The following ADGRL4 variants were observed in gnomAD, a reference collection of about 807,000 sequenced individuals.
ADGRL4 encodes the protein EGF, latrophilin and seven transmembrane domain containing 1.
In ADGRL4, 90 loss-of-function variants were observed where a neutral mutation model predicts 74.8. The ratio of observed to expected loss-of-function variants is 1.20; its 90% CI spans 1.02 to 1.43. ADGRL4 has a LOEUF of 1.43. Among genes scored for constraint, ADGRL4 ranks in the 40% most tolerant of loss-of-function variants. ADGRL4 has a pLI of 0.00. For missense variants in ADGRL4, 881 were observed against 814.3 expected (o/e 1.08, Z -1.00); for synonymous variants, 311 against 279.2 (o/e 1.11, Z -1.14).
At chr1:78,959,693 G>T (rs1649905899) in intron 2 of ADGRL4, among the ~76,000 whole-genome samples, 1 of 151,988 alleles carries the variant, frequency 6.6e-6, no homozygotes, top group African/African-American at 2.4e-5. Context: ...GTATTTTATT[G>T]GTCTGGACTC....
intron 2 of ADGRL4, among the ~76,000 whole-genome samples, chr1:78,970,785 T>A (rs1488269626): frequency 2.6e-5 from 4 of 152,194 alleles, no homozygotes; most frequent in Non-Finnish European, 5.9e-5. Flanking sequence ...TAGGCAATTG[T>A]GTCTCAGTAC....
intron 2 of ADGRL4, among the ~76,000 whole-genome samples, chr1:78,995,749 T>C (rs1481534196): frequency 1.3e-5 from 2 of 152,210 alleles, no homozygotes; most frequent in African/African-American, 4.8e-5. Flanking sequence ...GGGACATCAA[T>C]AAAGATATTA....
At chr1:78,914,616 A>AT (rs1274163236) in intron 12 of ADGRL4, among the ~76,000 whole-genome samples, 3 of 144,630 alleles carry the variant, frequency 2.1e-5, no homozygotes, top group South Asian at 4.6e-4. Context: ...TGAAGTAGAG[A>AT]TTTTTTTTGG....
chr1:78,942,651 T>C (rs1649511802), intron 3 of ADGRL4, among the ~76,000 whole-genome samples: 1 of 151,258 alleles, frequency 6.6e-6, no homozygotes, highest in Non-Finnish European at 1.5e-5. Flanking sequence ...TAATAGGTGA[T>C]GCTTGGCTGG....
chr1:78,911,334 A>G (rs2100662961), intron 12 of ADGRL4, among the ~76,000 whole-genome samples: 1 of 151,800 alleles, frequency 6.6e-6, no homozygotes, highest in Admixed American at 6.6e-5. Flanking sequence ...CCTTCATATA[A>G]GGCCATAAAA....
Position 78,920,224 on chromosome 1 carries a change from C to T in ADGRL4, c.1420G>A (p.Glu474Lys), listed in dbSNP as rs774420604. Residue 474 changes from glutamate to lysine, a missense_variant, in exon 10 of 15, where the codon GAA becomes AAA. Coordinates refer to ENST00000370742, the MANE Select transcript of ADGRL4 (RefSeq NM_022159.4). ...KNLCCSLFLA[E>K]LVFLVGINTN... ...TTGATCCCAACAAGAAAAACAAGTT[C>T]AGCAAGAAATAGGCTACAGCAAAGA... 6.2e-7 allele frequency: 1 copy of T among 1,611,612 alleles called. No homozygotes were observed. Among genetic ancestry groups the T allele is most frequent in the African/African-American group, 1.3e-5 (1 of 74,764 alleles).
chr1:78,972,281 T>C (rs924372865), intron 2 of ADGRL4, among the ~76,000 whole-genome samples: 1 of 152,184 alleles, frequency 6.6e-6, no homozygotes, highest in Non-Finnish European at 1.5e-5. Flanking sequence ...GGATTTTATG[T>C]CAGTATGAAT....
chr1:78,891,814 C>A (rs1379507441), intron 13 of ADGRL4, 122 bp from the exon 14 acceptor site: 2 of 789,040 alleles, frequency 2.5e-6, no homozygotes, highest in African/African-American at 1.8e-5. Context: ...TACAAATAGA[C>A]CCAATAGAAT....
intron 12 of ADGRL4, among the ~76,000 whole-genome samples, chr1:78,898,108 C>T (rs1440389836): frequency 2.6e-5 from 4 of 151,652 alleles, no homozygotes; most frequent in Non-Finnish European, 4.4e-5. Flanking sequence ...AAAAGGATAC[C>T]TCAAAAAAGG....
chr1:78,957,987 T>C (rs1649869181), intron 2 of ADGRL4, among the ~76,000 whole-genome samples: 1 of 152,182 alleles, frequency 6.6e-6, no homozygotes, highest in Non-Finnish European at 1.5e-5. Flanking sequence ...TTTAGAATTA[T>C]GCTAAATCTA....
chr1:78,899,392 T>C (rs1422778332), intron 12 of ADGRL4, among the ~76,000 whole-genome samples: 2 of 152,182 alleles, frequency 1.3e-5, no homozygotes, highest in Non-Finnish European at 2.9e-5. Flanking sequence ...TCTTGCTCTG[T>C]TGCCCAGGCT....
Position 78,892,989 on chromosome 1 carries a change from T to C in ADGRL4, c.1841+109A>G, listed in dbSNP as rs1648316442. 9.0e-6 allele frequency: 6 copies of C among 666,234 alleles called. No individual in the cohort carries two copies. In the East Asian group the frequency reaches 1.4e-4, roughly 16 times the overall value. 41.3% of individuals were successfully genotyped at this position (666,234 alleles called of 1,614,324 possible). On this transcript the variant is annotated intron_variant, in intron 13 of 14. Coordinates refer to ENST00000370742, the MANE Select transcript of ADGRL4 (RefSeq NM_022159.4). ...GATGCGTCTTTTAAATATGGTAAAG[T>C]ATGAAACAATCATTTAAAAATAATT...
intron 12 of ADGRL4, among the ~76,000 whole-genome samples, chr1:78,904,612 A>G (rs1648591965): frequency 6.6e-6 from 1 of 152,042 alleles, no homozygotes; most frequent in South Asian, 2.1e-4. Context: ...TTTGAAAACC[A>G]CTTTCTTATA....
chr1:78,916,353 G>A (rs1454010670), intron 12 of ADGRL4, among the ~76,000 whole-genome samples: 3 of 151,854 alleles, frequency 2.0e-5, no homozygotes, highest in Admixed American at 1.3e-4. Context: ...TTCCTATGGT[G>A]AGAAAATCAG....
At position 78,998,919 on chromosome 1, in the gene ADGRL4, G is replaced by A. The variant is rs149837698; in HGVS notation, c.172+6151C>T. ...CCCTTACTTCAGAGAACTATTGTGA[G>A]AATTAAATTTAAAAATTCATGTGAA... On this transcript the variant is annotated intron_variant, in intron 2 of 14. Coordinates refer to ENST00000370742, the MANE Select transcript of ADGRL4 (RefSeq NM_022159.4). 1.4e-3 allele frequency among the ~76,000 whole-genome samples: 213 copies of A among 152,226 alleles called. 2 individuals carry two copies. The highest frequency in any genetic ancestry group is 5.0e-3 in the African/African-American group (207 of 41,530).
At chr1:78,938,318 G>A (rs1457800968) in intron 4 of ADGRL4, 39 bp from the exon 5 acceptor site, 4 of 1,483,650 alleles carry the variant, frequency 2.7e-6, no homozygotes, top group East Asian at 2.3e-5. Flanking sequence ...AACTAAATTA[G>A]TTCTACTGGA....
chr1:78,938,856 T>A (rs1301389876), intron 4 of ADGRL4, among the ~76,000 whole-genome samples: 1 of 152,124 alleles, frequency 6.6e-6, no homozygotes, highest in South Asian at 2.1e-4. Context: ...CATTCAATTA[T>A]GTCTACTTAG....
chr1:78,899,602 A>T (rs1335658866), intron 12 of ADGRL4, among the ~76,000 whole-genome samples: 1 of 152,130 alleles, frequency 6.6e-6, no homozygotes, highest in Non-Finnish European at 1.5e-5. Flanking sequence ...CGATCTGTCC[A>T]CCTAGGTCTC....
intron 13 of ADGRL4, among the ~76,000 whole-genome samples, chr1:78,891,947 G>A (rs918275370): frequency 3.9e-5 from 6 of 152,140 alleles, no homozygotes; most frequent in African/African-American, 1.4e-4. Flanking sequence ...ATGTTATTAT[G>A]TTTAAGATTA....
Sources: gnomAD v4.1 joint callset for allele counts (sites outside exome capture counted in the v4.1 genomes callset) on GRCh38, gnomAD v4.1.1 for gene constraint, MANE v1.5 for transcripts, NCBI Gene and HGNC (gene_info 2026-07-23, HGNC 2026-07-21) for gene names.